The following MACROD2 variants were observed in gnomAD, a reference collection of about 807,000 sequenced individuals.
MACROD2 encodes mono-ADP ribosylhydrolase 2.
Under a neutral mutation model 70.4 loss-of-function variants are expected in MACROD2, and 36 were observed. The ratio of observed to expected loss-of-function variants is 0.51; its 90% CI spans 0.39 to 0.68. MACROD2 has a LOEUF of 0.68. MACROD2 is among the 30% of genes least tolerant of loss of function. The pLI, the probability that MACROD2 is intolerant of heterozygous loss-of-function variation, is 0.00. For missense variants in MACROD2, 496 were observed against 538.4 expected (o/e 0.92, Z 0.78); for synonymous variants, 172 against 178.8 (o/e 0.96, Z 0.30).
At chr20:15,516,803 C>G (rs1248371149) in intron 8 of MACROD2, among the ~76,000 whole-genome samples, 1 of 152,160 alleles carries the variant, frequency 6.6e-6, no homozygotes, top group Admixed American at 6.5e-5. Context: ...AGTACTTTCT[C>G]CCATCATGAC....
In MACROD2 at chr20:15,379,437, G is replaced by A. The variant is rs531877302; in HGVS notation, c.541-51968G>A. On this transcript the variant is annotated intron_variant, in intron 6 of 17. Coordinates refer to ENST00000684519, the MANE Select transcript of MACROD2 (RefSeq NM_001351661.2). ...CCACTTGGCATAGTCTTGGCATTAC[G>A]TAGGCATATGAAAATCCAGGGTTTG... is the stretch of plus-strand genomic sequence containing the variant. Among the ~76,000 whole-genome samples the A allele has an allele frequency of 5.9e-5, 9 of 151,768 alleles. 1 individual carries two copies. Among genetic ancestry groups the A allele is most frequent in the Middle Eastern group, 6.9e-3 (2 of 290 alleles).
intron 5 of MACROD2, among the ~76,000 whole-genome samples, chr20:15,143,819 A>C (rs925208230): frequency 6.6e-6 from 1 of 151,980 alleles, no homozygotes; most frequent in Non-Finnish European, 1.5e-5. Context: ...CACAATAAGC[A>C]GATCACCAGC....
chr20:15,394,805 A>G (rs1256446115), intron 6 of MACROD2, among the ~76,000 whole-genome samples: 1 of 152,214 alleles, frequency 6.6e-6, no homozygotes, highest in Non-Finnish European at 1.5e-5. Flanking sequence ...TGCAGGCAAC[A>G]TGGCTTCTTT....
chr20:15,850,717 C>T (rs1017095581), intron 8 of MACROD2, among the ~76,000 whole-genome samples: 22 of 152,128 alleles, frequency 1.4e-4, no homozygotes, highest in African/African-American at 5.1e-4. Flanking sequence ...TGCACGGTTG[C>T]CCTCGGAGCC....
chr20:14,797,822 G>A (rs944550349), intron 5 of MACROD2, among the ~76,000 whole-genome samples: 2 of 152,004 alleles, frequency 1.3e-5, no homozygotes, highest in Non-Finnish European at 1.5e-5. Context: ...TTCCCAGTGC[G>A]TATTGCCAGT....
intron 7 of MACROD2, among the ~76,000 whole-genome samples, chr20:15,492,120 G>A (rs1490590459): frequency 6.6e-6 from 1 of 152,140 alleles, no homozygotes; most frequent in Non-Finnish European, 1.5e-5. Flanking sequence ...TACTTCACCT[G>A]TTTTATCTTT....
At chr20:15,757,892 G>A (rs1400349886) in intron 8 of MACROD2, among the ~76,000 whole-genome samples, 2 of 152,068 alleles carry the variant, frequency 1.3e-5, no homozygotes, top group Non-Finnish European at 2.9e-5. Flanking sequence ...CCATCACATT[G>A]GAGTTAGAAC....
At chr20:14,992,959 C>T (rs78368222) in intron 5 of MACROD2, among the ~76,000 whole-genome samples, 31 of 152,276 alleles carry the variant, frequency 2.0e-4, no homozygotes, top group Non-Finnish European at 3.5e-4. Flanking sequence ...ATGACATTAA[C>T]CATCCTGTCT....
intron 10 of MACROD2, among the ~76,000 whole-genome samples, chr20:15,906,859 C>T (rs2065155343): frequency 1.3e-5 from 2 of 152,170 alleles, no homozygotes; most frequent in African/African-American, 4.8e-5. Flanking sequence ...CTATGAAGGG[C>T]CCATTATCTC....
At chr20:14,526,042 C>T (rs868136204) in intron 4 of MACROD2, among the ~76,000 whole-genome samples, 7 of 152,226 alleles carry the variant, frequency 4.6e-5, no homozygotes, top group African/African-American at 1.2e-4. Context: ...TAGAAAAAAG[C>T]CCTTCTTTTG....
At chr20:14,930,809 T>C (rs1208251914) in intron 5 of MACROD2, among the ~76,000 whole-genome samples, 1 of 137,172 alleles carries the variant, frequency 7.3e-6, no homozygotes, top group African/African-American at 2.7e-5. Flanking sequence ...CCTGTTCCCA[T>C]GTTTTCATTC....
chr20:14,490,138 T>C (rs866863366), intron 3 of MACROD2, among the ~76,000 whole-genome samples: 23 of 152,364 alleles, frequency 1.5e-4, no homozygotes, highest in African/African-American at 5.5e-4. Context: ...TTCACTTTTT[T>C]TGGTTTTAAT....
intron 3 of MACROD2, among the ~76,000 whole-genome samples, chr20:14,194,185 G>T (rs1312258960): frequency 6.6e-6 from 1 of 152,132 alleles, no homozygotes; most frequent in East Asian, 1.9e-4. Flanking sequence ...CTGAAGACAT[G>T]GATCTCAGAA....
At chr20:14,960,267 T>C (rs1278244012) in intron 5 of MACROD2, among the ~76,000 whole-genome samples, 1 of 152,176 alleles carries the variant, frequency 6.6e-6, no homozygotes, top group African/African-American at 2.4e-5. Context: ...TCAGCACATG[T>C]TGAAATGAGC....
At chr20:15,100,138 T>A (rs1393952530) in intron 5 of MACROD2, among the ~76,000 whole-genome samples, 2 of 152,136 alleles carry the variant, frequency 1.3e-5, no homozygotes, top group Non-Finnish European at 2.9e-5. Context: ...GGTCTCGCCA[T>A]GTTGCCCAGG....
intron 5 of MACROD2, among the ~76,000 whole-genome samples, chr20:15,050,531 G>GTGTTTTTT (rs1433660917): frequency 1.1e-5 from 1 of 92,552 alleles, no homozygotes. Context: ...TTCTATTTAG[G>GTGTTTTTT]TCTTTTTTTT....
chr20:15,323,212 G>T (rs1555804524), intron 6 of MACROD2, among the ~76,000 whole-genome samples: 1 of 152,056 alleles, frequency 6.6e-6, no homozygotes, highest in Non-Finnish European at 1.5e-5. Flanking sequence ...TTGGCAGCTG[G>T]GAATTGTTAT....
intron 5 of MACROD2, among the ~76,000 whole-genome samples, chr20:15,135,901 A>G (rs1229945812): frequency 6.6e-6 from 1 of 151,990 alleles, no homozygotes; most frequent in African/African-American, 2.4e-5. Context: ...CAAAATCACA[A>G]GCATTCTTAT....
intron 5 of MACROD2, among the ~76,000 whole-genome samples, chr20:14,733,279 A>G (rs1339399341): frequency 1.3e-5 from 2 of 152,144 alleles, no homozygotes; most frequent in Non-Finnish European, 2.9e-5. Context: ...AATAAAAATA[A>G]TACTTCTCCT....
Sources: gnomAD v4.1 joint callset for allele counts (sites outside exome capture counted in the v4.1 genomes callset) on GRCh38, gnomAD v4.1.1 for gene constraint, MANE v1.5 for transcripts, NCBI Gene and HGNC (gene_info 2026-07-23, HGNC 2026-07-21) for gene names.